The following NLK variants were observed in gnomAD, a reference collection of about 807,000 sequenced individuals.
NLK encodes the protein nemo like kinase, also known as serine/threonine-protein kinase NLK.
A neutral mutation model predicts 59.0 loss-of-function variants in NLK; 11 were observed. That is an observed-to-expected ratio of 0.19 (90% CI 0.12 to 0.31). The LOEUF (loss-of-function observed/expected upper bound fraction) is 0.31, where lower values mean the gene tolerates loss of function less well. Ranked by LOEUF, NLK falls within the 10% of genes least tolerant of loss-of-function variation. The probability of loss-of-function intolerance (pLI) is 1.00; values close to 1 mark genes in which losing one functional copy is unlikely to be tolerated. For missense variants in NLK, 410 were observed against 661.1 expected, an observed-to-expected ratio of 0.62 and a Z score of 4.16; for synonymous variants, 235 against 235.9, an observed-to-expected ratio of 1.00 and a Z score of 0.03.
At chr17:28,048,927 T>C (rs1173499052) in intron 1 of NLK, 2 of 152,252 alleles carry the variant, frequency 1.3e-5, no homozygotes, top group African/African-American at 2.4e-5. Context: ...AGCTCTTTAA[T>C]TATGCGTCTC....
At chr17:28,167,865 G>GT (rs974435548) in intron 5 of NLK, among the ~76,000 whole-genome samples, 4 of 151,234 alleles carry the variant, frequency 2.6e-5, no homozygotes, top group South Asian at 2.1e-4. Flanking sequence ...CGTTCACCTA[G>GT]TTTTTTTTGC....
intron 1 of NLK, among the ~76,000 whole-genome samples, chr17:28,100,002 T>C (rs1597679905): frequency 6.6e-6 from 1 of 152,270 alleles, no homozygotes; most frequent in African/African-American, 2.4e-5. Context: ...TGTGTGTTCA[T>C]CACTTGATTA....
Position 28,118,307 on chromosome 17 carries a change from T to C in NLK, c.459-4296T>C, listed in dbSNP as rs1905870148. On this transcript the variant is annotated intron_variant, in intron 1 of 10. Coordinates refer to ENST00000407008, the MANE Select transcript of NLK (RefSeq NM_016231.5). ...TGGAGGATTGCTGATTACAACTTTA[T>C]GTGAATAGAATTACAAGAACCTGAT... 1.3e-5 allele frequency among the ~76,000 whole-genome samples: 2 copies of C among 152,196 alleles called. 1 individual carries two copies. Among genetic ancestry groups the C allele is most frequent in the African/African-American group, 4.8e-5 (2 of 41,462 alleles).
chr17:28,189,945 T>C (rs1424934203), intron 8 of NLK, among the ~76,000 whole-genome samples: 5 of 152,224 alleles, frequency 3.3e-5, no homozygotes, highest in African/African-American at 1.2e-4. Flanking sequence ...TGACATGCCT[T>C]TTTACATCAG....
At chr17:28,119,165 G>T (rs368065030) in intron 1 of NLK, among the ~76,000 whole-genome samples, 2 of 152,156 alleles carry the variant, frequency 1.3e-5, no homozygotes, top group African/African-American at 2.4e-5. Flanking sequence ...AAGAATTCCT[G>T]TATAACATGC....
At chr17:28,110,468 A>G (rs1176972632) in intron 1 of NLK, among the ~76,000 whole-genome samples, 1 of 146,442 alleles carries the variant, frequency 6.8e-6, no homozygotes, top group Admixed American at 6.8e-5. Context: ...CTTTGTGTCT[A>G]TCCTACTTGG....
intron 1 of NLK, among the ~76,000 whole-genome samples, chr17:28,109,713 T>C (rs933525041): frequency 1.1e-4 from 17 of 152,246 alleles, no homozygotes; most frequent in Non-Finnish European, 1.5e-5. Context: ...AGATGTATCA[T>C]AGTTTATGCA....
chr17:28,184,840 G>A (rs780892363), intron 7 of NLK, among the ~76,000 whole-genome samples: 6 of 152,170 alleles, frequency 3.9e-5, no homozygotes, highest in African/African-American at 1.2e-4. Flanking sequence ...CCAGCTACTC[G>A]GGAGGATGAC....
At chr17:28,082,676 C>G (rs1243676611) in intron 1 of NLK, among the ~76,000 whole-genome samples, 2 of 152,198 alleles carry the variant, frequency 1.3e-5, no homozygotes, top group Non-Finnish European at 2.9e-5. Context: ...TTAATGTTGA[C>G]CTCTAAAGTT....
intron 1 of NLK, among the ~76,000 whole-genome samples, chr17:28,053,447 T>C (rs565045675): frequency 6.6e-6 from 1 of 152,366 alleles, no homozygotes; most frequent in Admixed American, 6.5e-5. Context: ...GTTGCCATGT[T>C]TGCTTTCCTT....
chr17:28,127,538 T>C (rs1308448798), intron 2 of NLK, among the ~76,000 whole-genome samples: 1 of 152,222 alleles, frequency 6.6e-6, no homozygotes, highest in East Asian at 1.9e-4. Context: ...GAATTTGGTT[T>C]TGTTTGCTGT....
chr17:28,187,743 A>T (rs758847556), intron 8 of NLK, among the ~76,000 whole-genome samples: 10 of 152,230 alleles, frequency 6.6e-5, no homozygotes, highest in Admixed American at 3.3e-4. Flanking sequence ...TACATGTGAC[A>T]TGTAGTCCTT....
chr17:28,101,097 A>G (rs1904886964), intron 1 of NLK, among the ~76,000 whole-genome samples: 1 of 152,190 alleles, frequency 6.6e-6, no homozygotes, highest in Admixed American at 6.5e-5. Context: ...ACATATAAGC[A>G]TAGGTCTGTT....
intron 8 of NLK, among the ~76,000 whole-genome samples, chr17:28,189,182 G>A (rs1242299): frequency 0.54 from 81,861 of 151,838 alleles, 22,488 homozygotes; most frequent in East Asian, 0.66. Flanking sequence ...TCTTCCCCAA[G>A]CATATCCAGA....
chr17:28,111,861 C>CGTGT (rs144479598), intron 1 of NLK, among the ~76,000 whole-genome samples: 2,763 of 73,192 alleles, frequency 0.038, 279 homozygotes, highest in Non-Finnish European at 0.052. Context: ...AGGCTTATAC[C>CGTGT]GTGTGTGTGT....
At chr17:28,056,007 CCCTTGAAAAACGCAGAAGAG>C (rs1909431541) in intron 1 of NLK, among the ~76,000 whole-genome samples, 1 of 152,034 alleles carries the variant, frequency 6.6e-6, no homozygotes, top group Admixed American at 6.6e-5. Flanking sequence ...TATTGTAGGA[CCCTTGAAAAACGCAGAAGAG>C]CTGAAAGGAA....
In NLK at chr17:28,163,800, T is replaced by G. The variant is rs35271770; in HGVS notation, c.837+172T>G. Among the ~76,000 whole-genome samples the G allele has an allele frequency of 6.3e-3, 955 of 152,324 alleles. 7 individuals are homozygous for G. Among genetic ancestry groups the G allele is most frequent in the African/African-American group, 0.022 (933 of 41,572 alleles). On this transcript the variant is annotated intron_variant, in intron 5 of 10. Coordinates refer to ENST00000407008, the MANE Select transcript of NLK (RefSeq NM_016231.5). ...CATGGTAATAATTTGTAGTCCTGCC[T>G]CATGTTCTTTTCATGATATTTGGCC...
At chr17:28,100,619 G>C (rs1352850670) in intron 1 of NLK, among the ~76,000 whole-genome samples, 1 of 152,186 alleles carries the variant, frequency 6.6e-6, no homozygotes, top group African/African-American at 2.4e-5. Flanking sequence ...CCTTTGTCAT[G>C]TAGGTGTTTT....
chr17:28,146,647 C>T (rs556991290), intron 3 of NLK, among the ~76,000 whole-genome samples: 104 of 152,228 alleles, frequency 6.8e-4, no homozygotes, highest in African/African-American at 2.5e-3. Flanking sequence ...ACAAACACAC[C>T]GCCTCCCACT....
Sources: allele counts gnomAD v4.1 joint callset (sites outside exome capture counted in the v4.1 genomes callset), GRCh38; gene constraint gnomAD v4.1.1; transcripts MANE v1.5; gene names NCBI Gene and HGNC (gene_info 2026-07-23, HGNC 2026-07-21).